Variants in PRKAG2 observed in about 807,000 individuals in gnomAD.
The protein encoded by PRKAG2 is protein kinase AMP-activated non-catalytic subunit gamma 2, also known as 5'-AMP-activated protein kinase subunit gamma-2.
A neutral mutation model predicts 69.6 loss-of-function variants in PRKAG2; 26 were observed. That is an observed-to-expected ratio of 0.37 (90% CI 0.27 to 0.52). The LOEUF is 0.52. Ranked by LOEUF, PRKAG2 falls within the 20% of genes least tolerant of loss-of-function variation. The pLI is 0.90. For synonymous variants in PRKAG2, 293 were observed against 285.0 expected, an observed-to-expected ratio of 1.03 and a Z score of -0.28; for missense variants, 557 against 740.0, an observed-to-expected ratio of 0.75 and a Z score of 2.87.
At chr7:151,561,597 C>G (rs942214181) in intron 14 of PRKAG2, among the ~76,000 whole-genome samples, 1 of 152,202 alleles carries the variant, frequency 6.6e-6, no homozygotes, top group South Asian at 2.1e-4. Flanking sequence ...CTGTAACAGG[C>G]CTTTCACCCG....
At chr7:151,592,752 T>C (rs1199097984) in intron 6 of PRKAG2, among the ~76,000 whole-genome samples, 1 of 152,278 alleles carries the variant, frequency 6.6e-6, no homozygotes, top group Non-Finnish European at 1.5e-5. Flanking sequence ...TATATGCCTA[T>C]GCGAGGATTT....
At chr7:151,678,537 T>A (rs1041998928) in intron 3 of PRKAG2, among the ~76,000 whole-genome samples, 4 of 151,940 alleles carry the variant, frequency 2.6e-5, no homozygotes, top group Admixed American at 6.6e-5. Flanking sequence ...GACTGAGCAG[T>A]GTGAGTGGAA....
chr7:151,725,740 G>C (rs1448136040), intron 3 of PRKAG2, among the ~76,000 whole-genome samples: 1 of 152,048 alleles, frequency 6.6e-6, no homozygotes, highest in Non-Finnish European at 1.5e-5. Context: ...GTGTGGGGAA[G>C]ACCTCAGCAC....
chr7:151,557,918 A>T, intron 15 of PRKAG2: 1 of 983,670 alleles, frequency 1.0e-6, no homozygotes, highest in Non-Finnish European at 1.2e-6. Flanking sequence ...AACCTTTATA[A>T]ATATTCTGAA....
At chr7:151,573,333 G>GTTTTTTT (rs57854174) in intron 8 of PRKAG2, among the ~76,000 whole-genome samples, 3 of 82,836 alleles carry the variant, frequency 3.6e-5, no homozygotes, top group African/African-American at 5.2e-5. Flanking sequence ...ATTTTTGTGG[G>GTTTTTTT]TTTTTTTTTT....
Position 151,719,110 on chromosome 7 carries a change from C to T in PRKAG2, c.467-43473G>A, listed in dbSNP as rs1362352354. On this transcript the variant is annotated intron_variant, in intron 3 of 15. Transcript: ENST00000287878. This position sits in a 1 kb window ranked among gnomAD's most constrained non-coding sequence, Gnocchi z 5.2. Reference sequence around the variant, plus strand: ...AGGGGACTGAAGGAGACGTGTGCCACCCTGTTCCCCGAGCGTTGCTCCGGG... The same window carrying T: ...AGGGGACTGAAGGAGACGTGTGCCATCCTGTTCCCCGAGCGTTGCTCCGGG... Among the ~76,000 whole-genome samples the T allele has an allele frequency of 1.3e-5, 2 of 152,176 alleles. No individual in the cohort carries two copies. Among genetic ancestry groups the T allele is most frequent in the Admixed American group, 1.3e-4 (2 of 15,292 alleles).
At chr7:151,799,939 T>A (rs1016105002) in intron 1 of PRKAG2, among the ~76,000 whole-genome samples, 7 of 152,228 alleles carry the variant, frequency 4.6e-5, no homozygotes, top group Admixed American at 2.6e-4. Context: ...CTAGCTCTTT[T>A]AAAATTTTAC....
At chr7:151,613,805 ATTT>A (rs372668253) in intron 5 of PRKAG2, among the ~76,000 whole-genome samples, 3,043 of 114,690 alleles carry the variant, frequency 0.027, 102 homozygotes, top group African/African-American at 0.093. Flanking sequence ...AGTCCCAAGC[ATTT>A]TTTTTTTTTT....
chr7:151,592,228 C>A (rs1464445264), intron 6 of PRKAG2, among the ~76,000 whole-genome samples: 2 of 152,230 alleles, frequency 1.3e-5, no homozygotes, highest in Non-Finnish European at 2.9e-5. Flanking sequence ...GCTGGGCTGG[C>A]CCCTGCTGGC....
intron 3 of PRKAG2, among the ~76,000 whole-genome samples, chr7:151,725,464 T>C (rs1485124868): frequency 2.0e-5 from 3 of 151,738 alleles, no homozygotes; most frequent in Non-Finnish European, 2.9e-5. Context: ...GATGGCTGGC[T>C]GCACAGCCAC....
At chr7:151,721,397 G>A (rs896810236) in intron 3 of PRKAG2, among the ~76,000 whole-genome samples, 1 of 152,110 alleles carries the variant, frequency 6.6e-6, no homozygotes, top group South Asian at 2.1e-4. Context: ...CAGGGCCGGG[G>A]CCAGGGCCGG....
In PRKAG2 at chr7:151,786,451, T is replaced by C; in HGVS notation, c.186+19A>G. The C allele has an allele frequency of 6.2e-7, 1 of 1,601,990 alleles. No individual in the cohort carries two copies. Among genetic ancestry groups the C allele is most frequent in the Non-Finnish European group, 8.5e-7 (1 of 1,173,032 alleles). ...CACCTCAAGTGAGCTGTGAGAAACT[T>C]CTGGAAAGGAGGTCTTACCTTTCGA... On this transcript the variant is annotated intron_variant, in intron 2 of 15. Coordinates refer to ENST00000287878, the MANE Select transcript of PRKAG2 (RefSeq NM_016203.4).
At position 151,728,278 on chromosome 7, in the gene PRKAG2, C is replaced by T. The variant is rs529224836; in HGVS notation, c.467-52641G>A. Among the ~76,000 whole-genome samples the T allele has an allele frequency of 3.3e-5, 5 of 152,284 alleles. No homozygotes were observed. The East Asian group carries it at 9.6e-4, about 29-fold the overall frequency. On this transcript the variant is annotated intron_variant, in intron 3 of 15. Coordinates refer to ENST00000287878, the MANE Select transcript of PRKAG2 (RefSeq NM_016203.4). ...CCTGGACTTTGCCTATTTTTTTCTTCTCAATCGCTAAAAGACAAATTATTA... is the reference window on the plus strand; with the variant it reads ...CCTGGACTTTGCCTATTTTTTTCTTTTCAATCGCTAAAAGACAAATTATTA...
At position 151,756,739 on chromosome 7, in the gene PRKAG2, C is replaced by T. The variant is rs1404537065; in HGVS notation, c.466+24413G>A. Among the ~76,000 whole-genome samples the T allele has an allele frequency of 6.6e-6, 1 of 152,200 alleles. No individual in the cohort carries two copies. Among genetic ancestry groups the T allele is most frequent in the Admixed American group, 6.5e-5 (1 of 15,286 alleles). On this transcript the variant is annotated intron_variant, in intron 3 of 15. Transcript: ENST00000287878. This position sits in a 1 kb window ranked among gnomAD's most constrained non-coding sequence, Gnocchi z 4.9. ...CTGGGGTGGGAAAGGATTTTCCTTACTCATCGGTGGGTCGCTTCCCAAACT... is the reference window on the plus strand; with the variant it reads ...CTGGGGTGGGAAAGGATTTTCCTTATTCATCGGTGGGTCGCTTCCCAAACT...
chr7:151,842,226 GATGATGGTAGCAATGGTAGGTA>G, intron 1 of PRKAG2, among the ~76,000 whole-genome samples: 1 of 122,652 alleles, frequency 8.2e-6, no homozygotes. Context: ...GGTAGGTAGT[GATGATGGTAGCAATGGTAGGTA>G]GGGATGGTAG....
chr7:151,686,118 G>GT (rs1379149021), intron 3 of PRKAG2, among the ~76,000 whole-genome samples: 1 of 152,062 alleles, frequency 6.6e-6, no homozygotes, highest in African/African-American at 2.4e-5. Context: ...TCAGGCTTCA[G>GT]TTCTCAAACC....
At chr7:151,595,605 C>G in intron 5 of PRKAG2, 151 bp from the exon 6 acceptor site, 2 of 675,362 alleles carry the variant, frequency 3.0e-6, no homozygotes, top group Non-Finnish European at 5.3e-6. Context: ...GATGCTCACT[C>G]TCACTAATTC....
intron 4 of PRKAG2, among the ~76,000 whole-genome samples, chr7:151,634,989 G>A (rs1372881197): frequency 6.7e-6 from 1 of 149,050 alleles, no homozygotes; most frequent in Non-Finnish European, 1.5e-5. Flanking sequence ...TCCCTCTGTG[G>A]CCCAGGCTGG....
At chr7:151,831,982 G>A (rs2079035606) in intron 1 of PRKAG2, among the ~76,000 whole-genome samples, 1 of 152,142 alleles carries the variant, frequency 6.6e-6, no homozygotes. Context: ...ACACACTGGG[G>A]CCTCCACTCG....
Sources: allele counts gnomAD v4.1 joint callset (sites outside exome capture counted in the v4.1 genomes callset), GRCh38; gene constraint gnomAD v4.1.1; non-coding constraint Gnocchi (gnomAD v3.1); transcripts MANE v1.5; gene names NCBI Gene and HGNC (gene_info 2026-07-23, HGNC 2026-07-21).